The following GRK1 variants were observed in gnomAD, a reference collection of about 807,000 sequenced individuals.
GRK1 encodes G protein-coupled receptor kinase 1.
A neutral mutation model predicts 41.7 loss-of-function variants in GRK1; 28 were observed. The ratio of observed to expected loss-of-function variants is 0.67; its 90% CI spans 0.50 to 0.92. GRK1 has a LOEUF of 0.92. Among genes scored for constraint, GRK1 ranks in the 40% least tolerant of loss-of-function variants. The probability of loss-of-function intolerance (pLI) is 0.00; values close to 1 mark genes in which losing one functional copy is unlikely to be tolerated. For missense variants in GRK1, 703 were observed against 671.2 expected (o/e 1.05, Z -0.52); for synonymous variants, 327 against 286.7 (o/e 1.14, Z -1.42).
Position 113,735,637 on chromosome 13 carries a change from G to T in GRK1, c.*274G>T. ...GAAGACATAAGATGCTCTCCAGAGGGAGTAAGCCAAAAATCTACAAACTCT... is the reference window on the plus strand; with the variant it reads ...GAAGACATAAGATGCTCTCCAGAGGTAGTAAGCCAAAAATCTACAAACTCT... On this transcript the variant is annotated 3_prime_UTR_variant, in exon 7 of 7. Transcript: ENST00000335678. The T allele has an allele frequency of 2.8e-6, 1 of 357,106 alleles. No homozygotes were observed. Among genetic ancestry groups the T allele is most frequent in the Non-Finnish European group, 5.0e-6 (1 of 198,492 alleles). The allele number at this position is 357,106 out of a possible 1,614,324, so 22.1% of individuals were successfully genotyped here. A position where few individuals can be genotyped will look rare whatever the true frequency, so the allele number is the denominator to read the frequency against.
chr13:113,655,101 T>G, the GRK1 span, among the ~76,000 whole-genome samples: 8 of 151,938 alleles, frequency 5.3e-5, no homozygotes, highest in African/African-American at 1.9e-4. Context: ...CCACAAACAG[T>G]CACTACAATC....
chr13:113,649,651 T>A, the GRK1 span: 2 of 1,234,434 alleles, frequency 1.6e-6, no homozygotes, highest in African/African-American at 1.6e-5. This position sits in a 1 kb window ranked among gnomAD's most constrained non-coding sequence, Gnocchi z 4.7. Flanking sequence ...CTCTTTTGTG[T>A]AAGACTGGCC....
chr13:113,659,634 T>C, the GRK1 span, among the ~76,000 whole-genome samples: 6 of 152,168 alleles, frequency 3.9e-5, no homozygotes, highest in Non-Finnish European at 8.8e-5. Context: ...GGTCTCCCTA[T>C]GTTGCCCAGA....
In GRK1 at chr13:113,671,022, C is replaced by T. The variant is rs1214553732; in HGVS notation, c.828-477C>T. On this transcript the variant is annotated intron_variant, in intron 2 of 6. Coordinates refer to ENST00000335678, the MANE Select transcript of GRK1 (RefSeq NM_002929.3). The surrounding 1 kb of genome is among the most constrained non-coding windows in gnomAD (Gnocchi z 4.1). ...AAATTATTTCTTGTTTAAATCATTT[C>T]TTTTATTTGTTAGGTTTTGCTTCTC... Among the ~76,000 whole-genome samples, 3 of 152,146 alleles carry T rather than the reference C, an allele frequency of 2.0e-5. No homozygotes were observed. In the East Asian group the frequency reaches 5.8e-4, roughly 29 times the overall value.
rs1393079567 is a variant in GRK1, at chr13:113,667,221, T to A, written c.-166T>A. 2 of 669,630 alleles carry A rather than the reference T, an allele frequency of 3.0e-6. No individual in the cohort carries two copies. Among genetic ancestry groups the A allele is most frequent in the South Asian group, 4.5e-5 (2 of 44,826 alleles). The allele number at this position is 669,630 out of a possible 1,614,324, so 41.5% of individuals were successfully genotyped here. A position where few individuals can be genotyped will look rare whatever the true frequency, so the allele number is the denominator to read the frequency against. On this transcript the variant is annotated 5_prime_UTR_variant, in exon 1 of 7. Transcript: ENST00000335678. The surrounding 1 kb of genome is among the most constrained non-coding windows in gnomAD (Gnocchi z 7.5). ...CCCCGGGCTCCCAGGGGCTTCCCAG[T>A]GGTCCCCAGGAACCCTCGACAGGGC... is the stretch of plus-strand genomic sequence containing the variant.
the GRK1 span, among the ~76,000 whole-genome samples, chr13:113,653,718 T>C: frequency 6.6e-6 from 1 of 152,166 alleles, no homozygotes; most frequent in Admixed American, 6.5e-5. Flanking sequence ...CTGTGACAGG[T>C]GATGACTAAT....
chr13:113,735,112 G>C lies in GRK1; in HGVS notation c.1441G>C (p.Ala481Pro). 4 of 1,536,100 alleles carry C rather than the reference G, an allele frequency of 2.6e-6. No individual in the cohort carries two copies. Among genetic ancestry groups the C allele is most frequent in the Non-Finnish European group, 3.5e-6 (4 of 1,146,072 alleles). Residue 481 changes from alanine to proline, a missense_variant, in exon 7 of 7, where the codon GCA (alanine) becomes CCA (proline). Transcript: ENST00000335678. ...CATCCCAGACTCCAAAACTGTCTAC[G>C]CAAAGGATATTCAGGACGTGGGTGC... is the stretch of plus-strand genomic sequence containing the variant. ...PFIPDSKTVY[A>P]KDIQDVGAFS...
intron 1 of GRK1, among the ~76,000 whole-genome samples, chr13:113,668,490 G>A (rs1377722372): frequency 2.0e-5 from 3 of 152,380 alleles, no homozygotes; most frequent in East Asian, 3.9e-4. Flanking sequence ...GCGAATGCAG[G>A]AGGAACTGAG....
chr13:113,732,670 C>G (rs561283050), intron 5 of GRK1, among the ~76,000 whole-genome samples: 1 of 152,218 alleles, frequency 6.6e-6, no homozygotes, highest in African/African-American at 2.4e-5. Flanking sequence ...CCAAAATGCA[C>G]GGCACCCACC....
chr13:113,733,275 C>T (rs1047297881), intron 6 of GRK1, among the ~76,000 whole-genome samples, 190 bp downstream of exon 6: 6 of 152,226 alleles, frequency 3.9e-5, no homozygotes, highest in Non-Finnish European at 7.3e-5. Flanking sequence ...CCGATGGAGC[C>T]GGCATCGGGC....
In GRK1 at chr13:113,735,511, C is replaced by A; in HGVS notation, c.*148C>A. ...CCCATCACGCCATCTCCTTGCGGCC[C>A]AAGGAGGAGAAAGCCCACATCGGCC... On this transcript the variant is annotated 3_prime_UTR_variant, in exon 7 of 7. Transcript: ENST00000335678. The A allele has an allele frequency of 1.1e-6, 1 of 889,512 alleles. No individual in the cohort carries two copies. The highest frequency in any genetic ancestry group is 1.6e-6 in the Non-Finnish European group (1 of 627,766). 55.1% of individuals were successfully genotyped at this position (889,512 alleles called of 1,614,324 possible).
upstream of GRK1, among the ~76,000 whole-genome samples, chr13:113,664,882 A>G (rs2049807853): frequency 6.6e-6 from 1 of 152,224 alleles, no homozygotes; most frequent in Non-Finnish European, 1.5e-5. The surrounding 1 kb of genome is among the most constrained non-coding windows in gnomAD (Gnocchi z 5.4). Context: ...GGAAGGAGTT[A>G]ACGTGATCCG....
chr13:113,658,325 A>C, the GRK1 span: 1 of 617,470 alleles, frequency 1.6e-6, no homozygotes, highest in Non-Finnish European at 2.8e-6. Context: ...ACCAAACACC[A>C]GGGGCTGGGT....
chr13:113,664,475 C>G (rs2049806112), upstream of GRK1, among the ~76,000 whole-genome samples: 1 of 142,446 alleles, frequency 7.0e-6, no homozygotes, highest in African/African-American at 3.1e-5. This position sits in a 1 kb window ranked among gnomAD's most constrained non-coding sequence, Gnocchi z 5.4. Context: ...AAACGACATA[C>G]TTTACTTCTC....
chr13:113,656,540 C>T, the GRK1 span, among the ~76,000 whole-genome samples: 21 of 152,272 alleles, frequency 1.4e-4, no homozygotes, highest in Non-Finnish European at 1.8e-4. Flanking sequence ...GTTCAGGGCA[C>T]GCTGCAGTGC....
intron 5 of GRK1, among the ~76,000 whole-genome samples, chr13:113,732,101 A>G (rs1311201762): frequency 2.0e-5 from 3 of 152,126 alleles, no homozygotes; most frequent in Non-Finnish European, 4.4e-5. Context: ...AGGCTGACTC[A>G]GAGCTCAGGG....
Position 113,737,587 on chromosome 13 carries a change from G to C in GRK1, c.*2224G>C, listed in dbSNP as rs1428798521. ...CCACGTCGGCCACACCCTGGGTGAGGAGCACGTCTTCCCACAGATCTCAAC... is the reference window on the plus strand; with the variant it reads ...CCACGTCGGCCACACCCTGGGTGAGCAGCACGTCTTCCCACAGATCTCAAC... On this transcript the variant is annotated 3_prime_UTR_variant, in exon 7 of 7. Transcript: ENST00000335678. 6.3e-6 allele frequency: 1 copy of C among 159,594 alleles called. No homozygotes were observed. Among genetic ancestry groups the C allele is most frequent in the Non-Finnish European group, 1.4e-5 (1 of 71,772 alleles). The allele number at this position is 159,594 out of a possible 1,614,324, so 9.9% of individuals were successfully genotyped here.
At chr13:113,726,530 C>T (rs2049889550) in intron 4 of GRK1, 1 of 166,884 alleles carries the variant, frequency 6.0e-6, no homozygotes, top group Non-Finnish European at 1.3e-5. Context: ...AATTTGTGAA[C>T]AGAGCAGGTA....
In GRK1 at chr13:113,671,755, G is replaced by C; in HGVS notation, c.985+99G>C. 1.5e-6 allele frequency: 1 copy of C among 687,932 alleles called. No individual in the cohort carries two copies. The highest frequency in any genetic ancestry group is 2.7e-6 in the Non-Finnish European group (1 of 376,398). 42.6% of individuals were successfully genotyped at this position (687,932 alleles called of 1,614,324 possible). On this transcript the variant is annotated intron_variant, in intron 3 of 6. Transcript: ENST00000335678. The surrounding 1 kb of genome is among the most constrained non-coding windows in gnomAD (Gnocchi z 4.1). ...CACAACCTCACGAGGGCTGACGGCT[G>C]TGTGGACGGTGGGGGTTCATGAGGG... is the stretch of plus-strand genomic sequence containing the variant.
Sources: gnomAD v4.1 joint callset for allele counts (sites outside exome capture counted in the v4.1 genomes callset) on GRCh38, gnomAD v4.1.1 for gene constraint, Gnocchi (gnomAD v3.1) non-coding constraint, MANE v1.5 for transcripts, NCBI Gene and HGNC (gene_info 2026-07-23, HGNC 2026-07-21) for gene names.